Variants in EBF1 observed in about 807,000 individuals in gnomAD.
EBF1 encodes transcription factor COE1.
EBF1 carries 10 observed loss-of-function variants against 68.4 expected under a neutral mutation model. That is an observed-to-expected ratio of 0.15 (90% CI 0.09 to 0.25). The LOEUF is 0.25. EBF1 is among the 10% of genes least tolerant of loss of function. EBF1 has a pLI of 1.00. For missense variants in EBF1, 509 were observed against 794.4 expected (o/e 0.64, Z 4.32); for synonymous variants, 298 against 299.8 (o/e 0.99, Z 0.06).
intron 10 of EBF1, among the ~76,000 whole-genome samples, chr5:158,774,671 G>A (rs1443514957): frequency 6.6e-6 from 1 of 152,128 alleles, no homozygotes; most frequent in Non-Finnish European, 1.5e-5. Context: ...ACAAAGAACA[G>A]AGAGGTTTTA....
At position 159,038,926 on chromosome 5, in the gene EBF1, G is replaced by C. The variant is rs188669135; in HGVS notation, c.554+34470C>G. On this transcript the variant is annotated intron_variant, in intron 6 of 15. Transcript: ENST00000313708. ...GCCCCCATCTACAAAATGGAGAGGCGATTTCCTTCCAGGATAAACATATGA... is the reference window on the plus strand; with the variant it reads ...GCCCCCATCTACAAAATGGAGAGGCCATTTCCTTCCAGGATAAACATATGA... Among the ~76,000 whole-genome samples the C allele has an allele frequency of 2.0e-5, 3 of 152,260 alleles. No individual in the cohort carries two copies. In the East Asian group the frequency reaches 5.8e-4, roughly 29 times the overall value.
At chr5:158,779,364 C>G (rs775950752) in intron 9 of EBF1, among the ~76,000 whole-genome samples, 1 of 152,056 alleles carries the variant, frequency 6.6e-6, no homozygotes, top group Non-Finnish European at 1.5e-5. Context: ...ACAAACACTT[C>G]CTTTGTAATC....
At chr5:159,083,651 T>C (rs1169399516) in intron 5 of EBF1, among the ~76,000 whole-genome samples, 1 of 152,228 alleles carries the variant, frequency 6.6e-6, no homozygotes, top group Non-Finnish European at 1.5e-5. Flanking sequence ...TTAAGGTTGC[T>C]TTCCCCCACA....
chr5:158,994,010 T>C (rs568939056), intron 6 of EBF1, among the ~76,000 whole-genome samples: 7 of 152,322 alleles, frequency 4.6e-5, no homozygotes, highest in Admixed American at 3.9e-4. Context: ...ACCCCAGTTA[T>C]CATCACAGCA....
At chr5:158,956,486 C>T (rs943144235) in intron 6 of EBF1, among the ~76,000 whole-genome samples, 10 of 152,034 alleles carry the variant, frequency 6.6e-5, no homozygotes, top group African/African-American at 1.9e-4. Context: ...CACGCACACA[C>T]ACACACGCAC....
chr5:159,003,837 T>C lies in EBF1; in HGVS notation c.554+69559A>G, dbSNP rs181040779. 5.3e-4 allele frequency among the ~76,000 whole-genome samples: 80 copies of C among 152,352 alleles called. No individual in the cohort carries two copies. In the South Asian group the frequency reaches 8.1e-3, roughly 15 times the overall value. On this transcript the variant is annotated intron_variant, in intron 6 of 15. Coordinates refer to ENST00000313708, the MANE Select transcript of EBF1 (RefSeq NM_024007.5). ...GAAGATGGAGCTAAGATTACACAAG[T>C]GGCTCCTTTGAGATCATGGATGAGT... is the stretch of plus-strand genomic sequence containing the variant.
At chr5:158,918,410 T>C (rs1184544616) in intron 6 of EBF1, among the ~76,000 whole-genome samples, 1 of 152,172 alleles carries the variant, frequency 6.6e-6, no homozygotes, top group East Asian at 1.9e-4. Context: ...TCAACTCTAA[T>C]GAGGTGCACT....
intron 10 of EBF1, among the ~76,000 whole-genome samples, chr5:158,737,829 G>C (rs764203719): frequency 2.6e-5 from 4 of 152,134 alleles, no homozygotes; most frequent in African/African-American, 7.2e-5. Flanking sequence ...AGGGGCACTC[G>C]GAGGAAGACT....
At chr5:158,955,799 G>C (rs949485652) in intron 6 of EBF1, among the ~76,000 whole-genome samples, 8 of 152,168 alleles carry the variant, frequency 5.3e-5, no homozygotes, top group African/African-American at 1.9e-4. Context: ...CCCTCAAAGA[G>C]TAGAAGTGTG....
intron 6 of EBF1, among the ~76,000 whole-genome samples, chr5:158,845,804 T>C (rs1791376785): frequency 6.6e-6 from 1 of 151,890 alleles, no homozygotes; most frequent in Non-Finnish European, 1.5e-5. Context: ...AAAGGGGTAG[T>C]GCCTTAAATC....
At chr5:158,820,709 T>G (rs1784655216) in intron 8 of EBF1, among the ~76,000 whole-genome samples, 1 of 152,158 alleles carries the variant, frequency 6.6e-6, no homozygotes, top group Non-Finnish European at 1.5e-5. Context: ...CACCATTTTT[T>G]GAAAAATATA....
In EBF1 at chr5:159,043,547, A is replaced by T. The variant is rs543797953; in HGVS notation, c.554+29849T>A. ...TAAATGACCCACTACTCCAAACTTC[A>T]AGCCAGGAGAATTGGTATCACTGTC... On this transcript the variant is annotated intron_variant, in intron 6 of 15. Coordinates refer to ENST00000313708, the MANE Select transcript of EBF1 (RefSeq NM_024007.5). Among the ~76,000 whole-genome samples the T allele has an allele frequency of 3.9e-5, 6 of 152,318 alleles. No homozygotes were observed. In the East Asian group the frequency reaches 1.2e-3, roughly 29 times the overall value.
chr5:158,836,014 A>G (rs1788703074), intron 7 of EBF1, among the ~76,000 whole-genome samples: 1 of 152,236 alleles, frequency 6.6e-6, no homozygotes, highest in Non-Finnish European at 1.5e-5. Context: ...ACACGTGAAC[A>G]TGGAACATGC....
At chr5:158,721,303 T>C (rs192410325) in intron 11 of EBF1, among the ~76,000 whole-genome samples, 59 of 152,244 alleles carry the variant, frequency 3.9e-4, no homozygotes, top group African/African-American at 1.4e-3. Context: ...CTGAATCATA[T>C]GAAATTAAAC....
rs10060552 is a variant in EBF1, at chr5:158,891,939, A to G, written c.555-51829T>C. Among the ~76,000 whole-genome samples the G allele has an allele frequency of 6.1e-3, 936 of 152,272 alleles. 17 individuals are homozygous for G. The highest frequency in any genetic ancestry group is 0.021 in the African/African-American group (891 of 41,542). The stretch of plus-strand genomic sequence containing the variant: ...ATTTATTTATTTTTGCCAATGAGTT[A>G]CCATTCACCTAAGAGCTCCCCTTGT... On this transcript the variant is annotated intron_variant, in intron 6 of 15. Transcript: ENST00000313708.
chr5:159,096,982 T>C lies in EBF1; in HGVS notation c.283A>G (p.Lys95Glu). The C allele has an allele frequency of 6.2e-7, 1 of 1,613,832 alleles. No homozygotes were observed. Among genetic ancestry groups the C allele is most frequent in the Non-Finnish European group, 8.5e-7 (1 of 1,179,970 alleles). The stretch of plus-strand genomic sequence containing the variant: ...GCGCTGCGCCCACTTACTTTTTCCT[T>C]CTCCACGAACCCCACAAACGCTGTC... ...ERTAFVGFVE[K>E]EKEANSEKTN... The change falls in exon 2 of 16, where the codon AAG becomes GAG. Residue 95 changes from lysine to glutamate, a missense_variant. Transcript: ENST00000313708.
At chr5:158,822,240 T>G (rs1207015092) in intron 8 of EBF1, among the ~76,000 whole-genome samples, 2 of 151,698 alleles carry the variant, frequency 1.3e-5, no homozygotes, top group African/African-American at 4.8e-5. Context: ...AGAGCCTCAG[T>G]CACTCATTCT....
chr5:158,913,129 G>C (rs1583112836), intron 6 of EBF1, among the ~76,000 whole-genome samples: 1 of 152,196 alleles, frequency 6.6e-6, no homozygotes, highest in South Asian at 2.1e-4. Context: ...TGTACCGCTG[G>C]GTCACATTAT....
At chr5:158,814,261 T>C (rs1267314970) in intron 8 of EBF1, among the ~76,000 whole-genome samples, 1 of 152,136 alleles carries the variant, frequency 6.6e-6, no homozygotes, top group African/African-American at 2.4e-5. Context: ...GAGGATAGCT[T>C]GAGTGCAGGA....
Sources: allele counts gnomAD v4.1 joint callset (sites outside exome capture counted in the v4.1 genomes callset), GRCh38; gene constraint gnomAD v4.1.1; transcripts MANE v1.5; gene names NCBI Gene and HGNC (gene_info 2026-07-23, HGNC 2026-07-21).